FGD4: variants seen among roughly 807,000 people sequenced by gnomAD.
The protein encoded by FGD4 is FYVE, RhoGEF and PH domain containing 4.
Under a neutral mutation model 102.0 loss-of-function variants are expected in FGD4, and 42 were observed. The ratio of observed to expected loss-of-function variants is 0.41; its 90% CI spans 0.32 to 0.53. The LOEUF is 0.53. Ranked by LOEUF, FGD4 falls within the 20% of genes least tolerant of loss-of-function variation. The pLI, the probability that FGD4 is intolerant of heterozygous loss-of-function variation, is 0.21. For synonymous variants in FGD4, 380 were observed against 375.7 expected (o/e 1.01, Z -0.13); for missense variants, 902 against 1,078.2 (o/e 0.84, Z 2.29).
At chr12:32,605,199 A>G (rs1948698443) in intron 7 of FGD4, among the ~76,000 whole-genome samples, 1 of 151,978 alleles carries the variant, frequency 6.6e-6, no homozygotes, top group South Asian at 2.1e-4. Flanking sequence ...TCGGCTTTCC[A>G]AAGTGCTAAA....
intron 7 of FGD4, among the ~76,000 whole-genome samples, chr12:32,603,599 A>G (rs1026834905): frequency 2.0e-5 from 3 of 151,622 alleles, no homozygotes; most frequent in Non-Finnish European, 2.9e-5. Flanking sequence ...GTTAGCCGGG[A>G]TGATCTCTAT....
At chr12:32,614,723 C>A (rs1003048232) in intron 10 of FGD4, among the ~76,000 whole-genome samples, 1 of 152,120 alleles carries the variant, frequency 6.6e-6, no homozygotes, top group African/African-American at 2.4e-5. Flanking sequence ...ATAAAGGACA[C>A]CCATTTTCTT....
intron 7 of FGD4, among the ~76,000 whole-genome samples, chr12:32,606,265 T>C (rs906968965): frequency 6.7e-6 from 1 of 150,074 alleles, no homozygotes; most frequent in Non-Finnish European, 1.5e-5. Context: ...ATTTTCTTCC[T>C]GGTCTATAAT....
At chr12:32,539,957 G>GT (rs1431524995) in intron 1 of FGD4, among the ~76,000 whole-genome samples, 2 of 152,050 alleles carry the variant, frequency 1.3e-5, no homozygotes, top group Non-Finnish European at 2.9e-5. Flanking sequence ...GAAATATCAT[G>GT]TTTTTCTCTA....
At chr12:32,620,015 T>C (rs1949706319) in intron 11 of FGD4, 145 bp downstream of exon 11, 3 of 979,014 alleles carry the variant, frequency 3.1e-6, no homozygotes, top group African/African-American at 3.2e-5. Flanking sequence ...AGCTGTAGGT[T>C]CTTGAAAAGC....
rs1941268005 is a variant in FGD4, at chr12:32,412,960, C to T, written c.166+13001C>T. Among the ~76,000 whole-genome samples, 4 of 133,610 alleles carry T rather than the reference C, an allele frequency of 3.0e-5. No individual in the cohort carries two copies. In the Admixed American group the frequency reaches 3.2e-4, roughly 11 times the overall value. The allele number at this position is 133,610 out of a possible 152,430, so 87.7% of individuals were successfully genotyped here. On this transcript the variant is annotated intron_variant, in intron 1 of 16. Coordinates refer to ENST00000534526, the MANE Select transcript of FGD4 (RefSeq NM_001370298.3). ...CCATGGTGGTGCATGCCTGTGGTCC[C>T]AACTACTCAGGGGACTGAAGTGGGA...
chr12:32,448,999 G>A (rs1018974945), intron 1 of FGD4, among the ~76,000 whole-genome samples: 7 of 152,124 alleles, frequency 4.6e-5, no homozygotes, highest in African/African-American at 1.7e-4. Context: ...TAATGCTCTT[G>A]GAGAGATAGA....
At chr12:32,577,667 C>T (rs1474830847) in intron 3 of FGD4, among the ~76,000 whole-genome samples, 1 of 152,256 alleles carries the variant, frequency 6.6e-6, no homozygotes, top group Non-Finnish European at 1.5e-5. Context: ...TTCAGCCTCT[C>T]TTCCTCTGAA....
At chr12:32,553,216 AC>A (rs1461584395) in intron 1 of FGD4, among the ~76,000 whole-genome samples, 3 of 152,158 alleles carry the variant, frequency 2.0e-5, no homozygotes, top group Non-Finnish European at 4.4e-5. Flanking sequence ...GTAGCAATAC[AC>A]AGTCTTCTTA....
chr12:32,468,094 GTGCAGTAGCACCCTCTTGGCTCAC>G (rs1387029386), intron 1 of FGD4, among the ~76,000 whole-genome samples: 3 of 151,920 alleles, frequency 2.0e-5, no homozygotes, highest in African/African-American at 7.3e-5. Context: ...CCAGGCTGGA[GTGCAGTAGCACCCTCTTGGCTCAC>G]TGCAACCTCA....
At chr12:32,520,429 T>TTTTTTG (rs1224712733) in intron 1 of FGD4, among the ~76,000 whole-genome samples, 9 of 119,178 alleles carry the variant, frequency 7.6e-5, no homozygotes, top group South Asian at 2.6e-4. Context: ...TTGTGGGTTT[T>TTTTTTG]TTTGTTTTTT....
At chr12:32,528,166 G>A (rs769199946) in intron 1 of FGD4, among the ~76,000 whole-genome samples, 11 of 151,732 alleles carry the variant, frequency 7.2e-5, no homozygotes, top group Non-Finnish European at 1.5e-4. Context: ...CAAACTCCTG[G>A]GCTCAAGCAA....
intron 1 of FGD4, among the ~76,000 whole-genome samples, chr12:32,452,234 G>A (rs1942798984): frequency 6.6e-6 from 1 of 152,092 alleles, no homozygotes; most frequent in African/African-American, 2.4e-5. Context: ...AGTTGTATAG[G>A]AAAAAAATTT....
At chr12:32,489,501 A>G (rs1308749844) in intron 1 of FGD4, among the ~76,000 whole-genome samples, 2 of 152,226 alleles carry the variant, frequency 1.3e-5, no homozygotes, top group Non-Finnish European at 1.5e-5. Context: ...TTTACCTCCT[A>G]TGACTTTCCA....
chr12:32,624,481 T>C, intron 12 of FGD4, 29 bp downstream of exon 12: 2 of 1,553,754 alleles, frequency 1.3e-6, no homozygotes, highest in South Asian at 2.4e-5. Flanking sequence ...TCCTTTTCTT[T>C]CTTTTTTTTT....
chr12:32,633,026 T>C (rs1272214632), intron 14 of FGD4, among the ~76,000 whole-genome samples: 1 of 151,152 alleles, frequency 6.6e-6, no homozygotes, highest in African/African-American at 2.4e-5. Flanking sequence ...TGGGTGCTTA[T>C]AAGGAAGTTG....
chr12:32,533,545 C>T (rs567071402), intron 1 of FGD4, among the ~76,000 whole-genome samples: 2 of 152,270 alleles, frequency 1.3e-5, no homozygotes, highest in South Asian at 2.1e-4. Flanking sequence ...CCTGCCTCAG[C>T]CTCCTGAGTA....
At chr12:32,578,506 T>G (rs1455607019) in intron 3 of FGD4, among the ~76,000 whole-genome samples, 1 of 152,184 alleles carries the variant, frequency 6.6e-6, no homozygotes, top group Non-Finnish European at 1.5e-5. Context: ...GAGTGGAGTC[T>G]GGTCAGAATG....
chr12:32,607,966 A>G lies in FGD4; in HGVS notation c.1414A>G (p.Ile472Val), dbSNP rs554136279. ...ACCTTTCTCATTACAGAAACAGAAA[A>G]TCTGTGGGAGCTTAACTTTGCAGCA... Reference protein sequence around the residue: ...SVVEEIQKQKICGSLTLQHHM... With the variant: ...SVVEEIQKQKVCGSLTLQHHM... The change falls in exon 8 of 17, where the codon ATC (isoleucine) becomes GTC (valine). Residue 472 changes from isoleucine to valine, a missense_variant. Ile to Val is a conservative substitution (Grantham distance 29). This residue lies in a region of FGD4 where 459 missense variants were observed against 619.0 expected (regional missense o/e 0.74). Transcript: ENST00000534526. The G allele has an allele frequency of 1.9e-6, 3 of 1,614,218 alleles. No individual in the cohort carries two copies. In the African/African-American group the frequency reaches 4.0e-5, roughly 22 times the overall value.
Sources: gnomAD v4.1 joint callset for allele counts (sites outside exome capture counted in the v4.1 genomes callset) on GRCh38, gnomAD v4.1.1 for gene constraint, gnomAD v4.1.1 regional missense constraint, MANE v1.5 for transcripts, NCBI Gene and HGNC (gene_info 2026-07-23, HGNC 2026-07-21) for gene names.